The following KIF1A variants were observed in gnomAD, a reference collection of about 807,000 sequenced individuals.
KIF1A encodes the protein kinesin-like protein KIF1A.
KIF1A carries 46 observed loss-of-function variants against 227.3 expected under a neutral mutation model. That is an observed-to-expected ratio of 0.20 (90% CI 0.16 to 0.26). The LOEUF (loss-of-function observed/expected upper bound fraction) is 0.26, where lower values mean the gene tolerates loss of function less well. KIF1A is among the 10% of genes least tolerant of loss of function. The pLI is 1.00. For missense variants in KIF1A, 1,683 were observed against 2,485.9 expected (o/e 0.68, Z 6.87); for synonymous variants, 1,022 against 1,012.8 (o/e 1.01, Z -0.17).
rs762566586 is a variant in KIF1A, at chr2:240,740,314, G to T, written c.3800C>A (p.Thr1267Asn). The change falls in exon 36 of 49, where the codon ACC becomes AAC. Residue 1267 changes from threonine (T) to asparagine (N), a missense_variant. Around this residue, in one of 12 missense-constraint regions of KIF1A, gnomAD observed 759 missense variants for 1,020.2 expected, o/e 0.74. Coordinates refer to ENST00000498729, the MANE Select transcript of KIF1A (RefSeq NM_001244008.2). The surrounding 1 kb of genome is among the most constrained non-coding windows in gnomAD (Gnocchi z 6.1). Reference protein sequence around the residue: ...DHRGGMPCMGTFLLHQGIQRR... With the variant: ...DHRGGMPCMGNFLLHQGIQRR... ...GGCTCACACCTGGTGGAGGAGGAAG[G>T]TCCCCATGCATGGCATGCCCCCACG... 3.7e-6 allele frequency: 6 copies of T among 1,613,554 alleles called. No homozygotes were observed. Among genetic ancestry groups the T allele is most frequent in the Admixed American group, 3.3e-5 (2 of 59,998 alleles).
At position 240,737,867 on chromosome 2, in the gene KIF1A, G is replaced by A. The variant is rs187537111; in HGVS notation, c.3902-699C>T. On this transcript the variant is annotated intron_variant, in intron 37 of 48. Transcript: ENST00000498729. ...TTTCTTTGTTGCGCCAGGAAGGAAC[G>A]GCAGCCTTCCCTCTCCGCCATGCAT... Among the ~76,000 whole-genome samples, 396 of 152,322 alleles carry A rather than the reference G, an allele frequency of 2.6e-3. 1 individual carries two copies. The highest frequency in any genetic ancestry group is 4.2e-3 in the Admixed American group (64 of 15,310).
Position 240,726,974 on chromosome 2 carries a change from G to T in KIF1A, c.4008-34C>A. Reference sequence around the variant, plus strand: ...AAGCAGAGACAAAGTAGAAGTTGATGGCGTGGGGGCTGCTTTCAGCCAGGC... The same window carrying T: ...AAGCAGAGACAAAGTAGAAGTTGATTGCGTGGGGGCTGCTTTCAGCCAGGC... On this transcript the variant is annotated intron_variant, in intron 38 of 48. Transcript: ENST00000498729. This position sits in a 1 kb window ranked among gnomAD's most constrained non-coding sequence, Gnocchi z 5.2. 7.6e-7 allele frequency: 1 copy of T among 1,321,920 alleles called. No homozygotes were observed. The highest frequency in any genetic ancestry group is 1.1e-6 in the Non-Finnish European group (1 of 933,376). 81.9% of individuals were successfully genotyped at this position (1,321,920 alleles called of 1,614,324 possible). A position where few individuals can be genotyped will look rare whatever the true frequency, so the allele number is the denominator to read the frequency against.
chr2:240,772,115 G>T (rs139144824), intron 14 of KIF1A, among the ~76,000 whole-genome samples: 2 of 152,226 alleles, frequency 1.3e-5, no homozygotes, highest in South Asian at 2.1e-4. Context: ...GCCTGGGCGT[G>T]GGGGGTCAGG....
At chr2:240,770,940 G>A in intron 15 of KIF1A, 31 bp downstream of exon 15, 1 of 1,605,624 alleles carries the variant, frequency 6.2e-7, no homozygotes. Context: ...CCCAGAGTCT[G>A]ACACCCTGAA....
chr2:240,809,924 C>T (rs1031924555), intron 1 of KIF1A, among the ~76,000 whole-genome samples: 1 of 151,420 alleles, frequency 6.6e-6, no homozygotes, highest in African/African-American at 2.4e-5. Context: ...CTCAGTCACC[C>T]AAGTAACTGG....
rs905827455 is a variant in KIF1A, at chr2:240,714,762, G to C, written c.*2602C>G. On this transcript the variant is annotated 3_prime_UTR_variant, in exon 49 of 49. Coordinates refer to ENST00000498729, the MANE Select transcript of KIF1A (RefSeq NM_001244008.2). ...GCGGCCTCCTCTCACCATCAACTCT[G>C]AGTTTCTGGGTCCTGGCTTAGGCAC... is the stretch of plus-strand genomic sequence containing the variant. The C allele has an allele frequency of 6.6e-6, 1 of 152,254 alleles. No individual in the cohort carries two copies. Among genetic ancestry groups the C allele is most frequent in the Non-Finnish European group, 1.5e-5 (1 of 68,092 alleles). The allele number at this position is 152,254 out of a possible 1,614,324, so 9.4% of individuals were successfully genotyped here.
At chr2:240,742,830 G>C in intron 34 of KIF1A, 99 bp downstream of exon 34, 1 of 1,124,112 alleles carries the variant, frequency 8.9e-7, no homozygotes, top group Non-Finnish European at 1.3e-6. Flanking sequence ...GCACAGCCCA[G>C]TCACAGAGGA....
Position 240,726,922 on chromosome 2 carries a change from C to T in KIF1A, c.4026G>A (p.Glu1342=). ...AQDDRTFYQF[E]AAWDSSMHNS... ...TGTGCATGGAGCTGTCCCACGCAGCCTCAAATTGGTAAAAGGTCCTGAAAG... is the reference window on the plus strand; with the variant it reads ...TGTGCATGGAGCTGTCCCACGCAGCTTCAAATTGGTAAAAGGTCCTGAAAG... The change falls in exon 39 of 49, where the codon GAG becomes GAA. Residue 1342 remains glutamate (E), a synonymous_variant. Coordinates refer to ENST00000498729, the MANE Select transcript of KIF1A (RefSeq NM_001244008.2). The surrounding 1 kb of genome is among the most constrained non-coding windows in gnomAD (Gnocchi z 5.2). 1 of 1,607,114 alleles carries T rather than the reference C, an allele frequency of 6.2e-7. No homozygotes were observed. Among genetic ancestry groups the T allele is most frequent in the Non-Finnish European group, 8.5e-7 (1 of 1,175,762 alleles).
At chr2:240,745,991 A>G (rs1322852713) in intron 30 of KIF1A, 48 bp downstream of exon 30, 12 of 1,599,772 alleles carry the variant, frequency 7.5e-6, no homozygotes, top group Non-Finnish European at 1.0e-5. Context: ...CTCAGGAACC[A>G]GGTCTCAGCA....
intron 11 of KIF1A, 85 bp from the exon 12 acceptor site, chr2:240,774,346 G>T: frequency 2.4e-6 from 2 of 825,862 alleles, no homozygotes; most frequent in Non-Finnish European, 4.0e-6. Flanking sequence ...CACATTTACA[G>T]ATGGGGAGGC....
intron 5 of KIF1A, 31 bp from the exon 6 acceptor site, chr2:240,786,544 C>A (rs2054770740): frequency 6.2e-7 from 1 of 1,605,340 alleles, no homozygotes; most frequent in Admixed American, 1.7e-5. Flanking sequence ...ATCAGGGGCC[C>A]CTGAGGCGAG....
chr2:240,803,515 T>C (rs1318957304), intron 1 of KIF1A, among the ~76,000 whole-genome samples: 6 of 152,392 alleles, frequency 3.9e-5, no homozygotes, highest in East Asian at 1.9e-4. Flanking sequence ...TGTTTCATTC[T>C]TATGGGAGCG....
chr2:240,789,228 C>T lies in KIF1A; in HGVS notation c.183+8G>A, dbSNP rs755604758. ...CCCCGCCTCCCCCGACCCGGGGTCC[C>T]GGCTTACTGAGGTGTGCGACCAGTA... On this transcript the variant is annotated splice_region_variant and intron_variant, in intron 3 of 48. Transcript: ENST00000498729. The surrounding 1 kb of genome is among the most constrained non-coding windows in gnomAD (Gnocchi z 4.8). 45 of 1,612,742 alleles carry T rather than the reference C, an allele frequency of 2.8e-5. No individual in the cohort carries two copies. Among genetic ancestry groups the T allele is most frequent in the Admixed American group, 6.7e-5 (4 of 59,996 alleles).
chr2:240,771,022 G>T lies in KIF1A; in HGVS notation c.1290C>A (p.His430Gln), dbSNP rs369856336. The change falls in exon 15 of 49, where the codon CAC becomes CAA. Residue 430 changes from histidine to glutamine, a missense_variant. Coordinates refer to ENST00000498729, the MANE Select transcript of KIF1A (RefSeq NM_001244008.2). ...SSRAASVSSLHERILFAPGSE... is the reference protein window; with the variant it reads ...SSRAASVSSLQERILFAPGSE... ...TGCCCGGGGCAAACAAGATGCGCTC[G>T]TGGAGGCTGGACACGGAGGCCGCGC... 3 of 1,613,154 alleles carry T rather than the reference G, an allele frequency of 1.9e-6. No homozygotes were observed. The highest frequency in any genetic ancestry group is 1.1e-5 in the South Asian group (1 of 91,064).
At chr2:240,786,987 T>C (rs1451867913) in intron 5 of KIF1A, among the ~76,000 whole-genome samples, 4 of 152,152 alleles carry the variant, frequency 2.6e-5, no homozygotes, top group African/African-American at 9.7e-5. Context: ...GGCCAGGCCC[T>C]GAGCTCTGAG....
At position 240,726,737 on chromosome 2, in the gene KIF1A, G is replaced by T; in HGVS notation, c.4122+89C>A. 1.4e-6 allele frequency: 1 copy of T among 690,466 alleles called. No homozygotes were observed. Among genetic ancestry groups the T allele is most frequent in the Non-Finnish European group, 2.5e-6 (1 of 394,738 alleles). The allele number at this position is 690,466 out of a possible 1,614,324, so 42.8% of individuals were successfully genotyped here. A position where few individuals can be genotyped will look rare whatever the true frequency, so the allele number is the denominator to read the frequency against. On this transcript the variant is annotated intron_variant, in intron 39 of 48. Transcript: ENST00000498729. The surrounding 1 kb of genome is among the most constrained non-coding windows in gnomAD (Gnocchi z 5.2). The stretch of plus-strand genomic sequence containing the variant: ...ACTTGAGAACTAGAGAAGTCGTCTG[G>T]GTCATATGGGGTTGTCCAGAGCTTA...
intron 40 of KIF1A, chr2:240,724,928 C>CAGCGGG (rs2045812579): frequency 1.6e-5 from 1 of 61,030 alleles, no homozygotes; most frequent in African/African-American, 1.5e-4. Context: ...AGAAGGTCAC[C>CAGCGGG]GGCGGCGGGG....
rs746204456 is a variant in KIF1A at position 240,746,033 on chromosome 2, A to G, written c.3202+6T>C. The G allele has an allele frequency of 1.2e-5, 20 of 1,607,014 alleles. No individual in the cohort carries two copies. The East Asian group carries it at 4.5e-4, about 36-fold the overall frequency. ...ACGCCCTGGGCAGCTGGGGTGGGCG[A>G]CCCACCTGAACAGGTGTTGTTGTTG... is the stretch of plus-strand genomic sequence containing the variant. On this transcript the variant is annotated splice_donor_region_variant and intron_variant, in intron 30 of 48. Coordinates refer to ENST00000498729, the MANE Select transcript of KIF1A (RefSeq NM_001244008.2).
At chr2:240,731,785 T>C (rs1054643921) in intron 38 of KIF1A, among the ~76,000 whole-genome samples, 1 of 151,888 alleles carries the variant, frequency 6.6e-6, no homozygotes, top group South Asian at 2.1e-4. Flanking sequence ...GGACTCTGGC[T>C]CCAGAACCAG....
Sources: gnomAD v4.1 joint callset for allele counts (sites outside exome capture counted in the v4.1 genomes callset) on GRCh38, gnomAD v4.1.1 for gene constraint, gnomAD v4.1.1 regional missense constraint, Gnocchi (gnomAD v3.1) non-coding constraint, MANE v1.5 for transcripts, NCBI Gene and HGNC (gene_info 2026-07-23, HGNC 2026-07-21) for gene names.